The following ANKS1B variants were observed in gnomAD, a reference collection of about 807,000 sequenced individuals.
ANKS1B encodes the protein ankyrin repeat and sterile alpha motif domain containing 1B.
ANKS1B carries 36 observed loss-of-function variants against 148.3 expected under a neutral mutation model. That is an observed-to-expected ratio of 0.24 (90% CI 0.19 to 0.32). The LOEUF (loss-of-function observed/expected upper bound fraction) is 0.32. Among genes scored for constraint, ANKS1B ranks in the 10% least tolerant of loss-of-function variants. ANKS1B has a pLI of 1.00. For missense variants in ANKS1B, 1,157 were observed against 1,542.6 expected (o/e 0.75, Z 4.19); for synonymous variants, 542 against 560.8 (o/e 0.97, Z 0.47).
intron 15 of ANKS1B, among the ~76,000 whole-genome samples, chr12:99,137,829 G>A (rs1950748420): frequency 6.6e-6 from 1 of 152,032 alleles, no homozygotes; most frequent in South Asian, 2.1e-4. Flanking sequence ...CTTTCAGCTT[G>A]CAAATTTTTC....
intron 10 of ANKS1B, among the ~76,000 whole-genome samples, chr12:99,465,746 T>G (rs1289104179): frequency 6.6e-6 from 1 of 152,130 alleles, no homozygotes; most frequent in Non-Finnish European, 1.5e-5. Flanking sequence ...GAGCTAACTA[T>G]CCTAAATATA....
At chr12:99,934,333 G>C (rs2094702283) in intron 1 of ANKS1B, among the ~76,000 whole-genome samples, 1 of 152,068 alleles carries the variant, frequency 6.6e-6, no homozygotes, top group South Asian at 2.1e-4. Flanking sequence ...AGAATAGTTT[G>C]AGTAGAGCTG....
chr12:99,373,942 T>C (rs1212753763), intron 12 of ANKS1B, among the ~76,000 whole-genome samples: 1 of 152,142 alleles, frequency 6.6e-6, no homozygotes, highest in Non-Finnish European at 1.5e-5. Flanking sequence ...AATCAATGCA[T>C]TGCTTCTTTC....
intron 12 of ANKS1B, among the ~76,000 whole-genome samples, chr12:99,376,669 A>G (rs2093403285): frequency 6.6e-6 from 1 of 152,230 alleles, no homozygotes. Context: ...CTACTCTCCC[A>G]TATGAGCCTT....
At chr12:99,393,920 T>G (rs575736131) in intron 12 of ANKS1B, among the ~76,000 whole-genome samples, 1 of 152,300 alleles carries the variant, frequency 6.6e-6, no homozygotes, top group African/African-American at 2.4e-5. Flanking sequence ...AATATACCAA[T>G]TTAGCAAAAC....
At chr12:98,748,304 A>G (rs2097952720) in intron 26 of ANKS1B, among the ~76,000 whole-genome samples, 1 of 152,156 alleles carries the variant, frequency 6.6e-6, no homozygotes, top group Non-Finnish European at 1.5e-5. Flanking sequence ...TGAGGAGGTG[A>G]GCAGGGACCC....
chr12:99,896,010 T>C (rs879318471), intron 1 of ANKS1B, among the ~76,000 whole-genome samples: 1 of 151,328 alleles, frequency 6.6e-6, no homozygotes, highest in South Asian at 2.1e-4. Context: ...TTTTGATATA[T>C]ATACACATAG....
intron 16 of ANKS1B, among the ~76,000 whole-genome samples, chr12:99,074,618 T>C (rs2047268062): frequency 6.6e-6 from 1 of 152,192 alleles, no homozygotes; most frequent in Admixed American, 6.5e-5. Flanking sequence ...GACTAGTTAT[T>C]GGTCATCACT....
In ANKS1B at chr12:98,940,734, T is replaced by C. The variant is rs2099835401; in HGVS notation, c.2779-108598A>G. Among the ~76,000 whole-genome samples the C allele has an allele frequency of 2.0e-5, 3 of 152,148 alleles. No homozygotes were observed. The South Asian group carries it at 6.2e-4, about 31-fold the overall frequency. The stretch of plus-strand genomic sequence containing the variant: ...TTGAATGAGTGAGTGAGGCAACAAA[T>C]GAATCAATGAGATACACAAGAACAT... On this transcript the variant is annotated intron_variant, in intron 17 of 26. Transcript: ENST00000683438.
At chr12:99,482,081 T>C (rs2096419344) in intron 10 of ANKS1B, among the ~76,000 whole-genome samples, 1 of 151,940 alleles carries the variant, frequency 6.6e-6, no homozygotes, top group South Asian at 2.1e-4. Context: ...GCTTTTGGGG[T>C]CTTAGTCATG....
At chr12:99,808,061 C>G (rs1423364840) in intron 3 of ANKS1B, among the ~76,000 whole-genome samples, 1 of 152,092 alleles carries the variant, frequency 6.6e-6, no homozygotes, top group African/African-American at 2.4e-5. Context: ...GCTCTTTCCA[C>G]TATACCATGT....
intron 25 of ANKS1B, among the ~76,000 whole-genome samples, chr12:98,757,435 C>A (rs1002382114): frequency 2.0e-5 from 3 of 152,338 alleles, no homozygotes; most frequent in Admixed American, 1.3e-4. Context: ...ATAACTGGAA[C>A]ACCATGCGAT....
At chr12:99,850,281 G>GTCTCTCTCTCTCTCTCTCTCTCTC (rs71436968) in intron 1 of ANKS1B, among the ~76,000 whole-genome samples, 13 of 114,202 alleles carry the variant, frequency 1.1e-4, no homozygotes, top group African/African-American at 3.2e-4. Flanking sequence ...AAGCAAGAAA[G>GTCTCTCTCTCTCTCTCTCTCTCTC]TCTCTCTCTC....
intron 9 of ANKS1B, among the ~76,000 whole-genome samples, chr12:99,521,145 C>T (rs946308823): frequency 6.6e-6 from 1 of 152,126 alleles, no homozygotes; most frequent in South Asian, 2.1e-4. Flanking sequence ...TCTTCTGCTG[C>T]TTGATCAATT....
intron 14 of ANKS1B, among the ~76,000 whole-genome samples, chr12:99,177,163 C>T (rs141502617): frequency 6.6e-6 from 1 of 152,312 alleles, no homozygotes; most frequent in East Asian, 1.9e-4. Context: ...TTGGCAACAG[C>T]ATATACAGTA....
chr12:99,421,669 G>A (rs569133064), intron 11 of ANKS1B, among the ~76,000 whole-genome samples: 1 of 152,290 alleles, frequency 6.6e-6, no homozygotes, highest in Non-Finnish European at 1.5e-5. Context: ...AGCTTGAAGA[G>A]GAAACATCAG....
At position 99,563,885 on chromosome 12, in the gene ANKS1B, G is replaced by A. The variant is rs370642300; in HGVS notation, c.1273-59244C>T. The stretch of plus-strand genomic sequence containing the variant: ...TAGACAATATATTGTACTATTGCAT[G>A]CACTTTAAAATTACATTAATAGCCA... On this transcript the variant is annotated intron_variant, in intron 9 of 26. Transcript: ENST00000683438. Among the ~76,000 whole-genome samples, 51 of 152,184 alleles carry A rather than the reference G, an allele frequency of 3.4e-4. No individual in the cohort carries two copies. In the South Asian group the frequency reaches 9.1e-3, roughly 27 times the overall value.
At chr12:99,118,321 G>A (rs914980191) in intron 15 of ANKS1B, among the ~76,000 whole-genome samples, 1 of 152,092 alleles carries the variant, frequency 6.6e-6, no homozygotes, top group Non-Finnish European at 1.5e-5. Context: ...ATGGAAGCAA[G>A]AATATAAATG....
intron 9 of ANKS1B, among the ~76,000 whole-genome samples, chr12:99,651,913 GTA>G (rs2098422045): frequency 6.6e-6 from 1 of 151,450 alleles, no homozygotes. Context: ...GTGTGTATGT[GTA>G]TATACTATAT....
Sources: gnomAD v4.1 joint callset for allele counts (sites outside exome capture counted in the v4.1 genomes callset) on GRCh38, gnomAD v4.1.1 for gene constraint, MANE v1.5 for transcripts, NCBI Gene and HGNC (gene_info 2026-07-23, HGNC 2026-07-21) for gene names.